The following NOXRED1 variants were observed in gnomAD, a reference collection of about 807,000 sequenced individuals.
NOXRED1 encodes NADP-dependent oxidoreductase domain-containing protein 1.
NOXRED1 carries 20 observed loss-of-function variants against 30.4 expected under a neutral mutation model. The ratio of observed to expected loss-of-function variants is 0.66; its 90% CI spans 0.46 to 0.96. The LOEUF is 0.96. Among genes scored for constraint, NOXRED1 ranks in the 40% least tolerant of loss-of-function variants. The probability of loss-of-function intolerance (pLI) is 0.00; values close to 1 mark genes in which losing one functional copy is unlikely to be tolerated. For missense variants in NOXRED1, 374 were observed against 428.0 expected (o/e 0.87, Z 1.11); for synonymous variants, 155 against 168.0 (o/e 0.92, Z 0.60).
At chr14:77,403,078 T>C (rs1177412642) in intron 5 of NOXRED1, among the ~76,000 whole-genome samples, 1 of 151,954 alleles carries the variant, frequency 6.6e-6, no homozygotes, top group East Asian at 1.9e-4. Flanking sequence ...AGGAAAACTA[T>C]ATAGTTTACA....
At chr14:77,401,825 T>A (rs1313560816) in intron 5 of NOXRED1, among the ~76,000 whole-genome samples, 1 of 152,180 alleles carries the variant, frequency 6.6e-6, no homozygotes, top group Non-Finnish European at 1.5e-5. Flanking sequence ...GACAGTGCAG[T>A]ATTGGTGAAA....
Position 77,394,522 on chromosome 14 carries a change from G to A in NOXRED1, c.*109C>T, listed in dbSNP as rs1325335096. 1 of 744,508 alleles carries A rather than the reference G, an allele frequency of 1.3e-6. No individual in the cohort carries two copies. The highest frequency in any genetic ancestry group is 2.2e-6 in the Non-Finnish European group (1 of 448,044). 46.1% of individuals were successfully genotyped at this position (744,508 alleles called of 1,614,324 possible). A position where few individuals can be genotyped will look rare whatever the true frequency, so the allele number is the denominator to read the frequency against. ...TTATAATTCCTGATGTCTATCATGT[G>A]GCAAACACAATACAGCCACAAGACT... On this transcript the variant is annotated 3_prime_UTR_variant, in exon 6 of 6. Transcript: ENST00000380835.
rs200142831 is a variant in NOXRED1 at position 77,405,686 on chromosome 14, T to C, written c.905+227A>G. On this transcript the variant is annotated intron_variant, in intron 5 of 5. Coordinates refer to ENST00000380835, the MANE Select transcript of NOXRED1 (RefSeq NM_001113475.3). Reference sequence around the variant, plus strand: ...ATATACATTATAACAATATAAATGTTTGTAAATGCATAGATAAAAATATAA... The same window carrying C: ...ATATACATTATAACAATATAAATGTCTGTAAATGCATAGATAAAAATATAA... 5.9e-5 allele frequency among the ~76,000 whole-genome samples: 9 copies of C among 152,320 alleles called. No homozygotes were observed. The East Asian group carries it at 1.7e-3, about 29-fold the overall frequency.
intron 1 of NOXRED1, among the ~76,000 whole-genome samples, chr14:77,414,540 C>T (rs921106083): frequency 1.3e-5 from 2 of 152,214 alleles, no homozygotes; most frequent in South Asian, 4.1e-4. Context: ...TGCTTGGTGG[C>T]ACCTTAAGTA....
intron 5 of NOXRED1, among the ~76,000 whole-genome samples, chr14:77,396,520 A>T (rs8012548): frequency 1.3e-5 from 2 of 151,952 alleles, no homozygotes; most frequent in Non-Finnish European, 2.9e-5. Flanking sequence ...AAGTGCTGGG[A>T]TTACAGGCAT....
chr14:77,422,189 C>T (rs926251694), intron 1 of NOXRED1, among the ~76,000 whole-genome samples: 2 of 152,192 alleles, frequency 1.3e-5, no homozygotes, highest in African/African-American at 4.8e-5. Flanking sequence ...ACCTGCTTCA[C>T]ACACATTTCC....
chr14:77,414,240 G>A, intron 1 of NOXRED1, 113 bp from the exon 2 acceptor site: 1 of 640,476 alleles, frequency 1.6e-6, no homozygotes. Context: ...AGAGTGCAAT[G>A]GGGTGATCTT....
chr14:77,417,501 T>C (rs1175286864), intron 1 of NOXRED1, among the ~76,000 whole-genome samples: 2 of 152,284 alleles, frequency 1.3e-5, no homozygotes, highest in Non-Finnish European at 2.9e-5. Flanking sequence ...TCCTGGTGAA[T>C]TGGTCTTTTT....
intron 5 of NOXRED1, among the ~76,000 whole-genome samples, chr14:77,395,100 T>C (rs1204844832): frequency 7.6e-6 from 1 of 131,734 alleles, no homozygotes; most frequent in Non-Finnish European, 1.6e-5. Flanking sequence ...ATTTTTCTTT[T>C]TTTTCTTTCT....
intron 2 of NOXRED1, 92 bp downstream of exon 2, chr14:77,413,842 A>G: frequency 1.2e-6 from 1 of 813,310 alleles, no homozygotes; most frequent in Non-Finnish European, 1.9e-6. Context: ...GCTGTATGCA[A>G]GGATTCCTCT....
At chr14:77,422,652 C>G (rs1382445623) in intron 1 of NOXRED1, 83 bp downstream of exon 1, 6 of 1,386,456 alleles carry the variant, frequency 4.3e-6, no homozygotes, top group Non-Finnish European at 6.1e-6. Flanking sequence ...AACTTACCCT[C>G]CAATATAAAA....
Position 77,405,903 on chromosome 14 carries a change from A to C in NOXRED1, c.905+10T>G. ...AGAAATGAGAATGGCCAGCTGTCCA[A>C]TGCCCTTACCTTTCCTGAGACAAAT... On this transcript the variant is annotated intron_variant, in intron 5 of 5. Transcript: ENST00000380835. 7.7e-6 allele frequency: 12 copies of C among 1,561,138 alleles called. No individual in the cohort carries two copies. The highest frequency in any genetic ancestry group is 1.1e-5 in the Non-Finnish European group (12 of 1,132,882).
intron 2 of NOXRED1, among the ~76,000 whole-genome samples, chr14:77,410,686 A>C (rs1055840766): frequency 6.6e-6 from 1 of 152,170 alleles, no homozygotes; most frequent in Admixed American, 6.6e-5. Flanking sequence ...ACACCAACAG[A>C]AAAAATGGTC....
chr14:77,424,579 G>A (rs1895077273), upstream of NOXRED1, among the ~76,000 whole-genome samples: 1 of 152,164 alleles, frequency 6.6e-6, no homozygotes, highest in African/African-American at 2.4e-5. Flanking sequence ...ACAGTCAGTA[G>A]GTCATCCTAA....
intron 5 of NOXRED1, among the ~76,000 whole-genome samples, chr14:77,398,140 G>A (rs1566705365): frequency 6.6e-6 from 1 of 152,144 alleles, no homozygotes; most frequent in Non-Finnish European, 1.5e-5. Context: ...TGCCAAGATA[G>A]GGAACCCGGA....
intron 5 of NOXRED1, among the ~76,000 whole-genome samples, chr14:77,399,304 A>T (rs1292691336): frequency 6.6e-6 from 1 of 152,074 alleles, no homozygotes; most frequent in Admixed American, 6.6e-5. Context: ...TAATAAAAAA[A>T]ACTAGCCAAG....
intron 5 of NOXRED1, among the ~76,000 whole-genome samples, chr14:77,402,007 C>T (rs1040121859): frequency 2.9e-4 from 44 of 152,150 alleles, no homozygotes; most frequent in Admixed American, 7.2e-4. Flanking sequence ...TGAATCTAGA[C>T]ACAAACCTTA....
chr14:77,413,752 A>G (rs900942855), intron 2 of NOXRED1, among the ~76,000 whole-genome samples, 182 bp downstream of exon 2: 2 of 152,146 alleles, frequency 1.3e-5, no homozygotes, highest in African/African-American at 4.8e-5. Context: ...ATACATGGAG[A>G]AAAAAAGTCG....
intron 5 of NOXRED1, among the ~76,000 whole-genome samples, chr14:77,399,730 T>G (rs899040526): frequency 5.3e-5 from 8 of 152,002 alleles, no homozygotes; most frequent in African/African-American, 1.7e-4. Flanking sequence ...ATCCAAGGAC[T>G]GTGGGACAAC....
Sources: allele counts gnomAD v4.1 joint callset (sites outside exome capture counted in the v4.1 genomes callset), GRCh38; gene constraint gnomAD v4.1.1; transcripts MANE v1.5; gene names NCBI Gene and HGNC (gene_info 2026-07-23, HGNC 2026-07-21).